KANSL1: variants seen among roughly 807,000 people sequenced by gnomAD.
The protein encoded by KANSL1 is MLL1/MLL complex subunit KANSL1.
KANSL1 carries 22 observed loss-of-function variants against 103.6 expected under a neutral mutation model. The ratio of observed to expected loss-of-function variants is 0.21; its 90% confidence interval spans 0.15 to 0.30. The LOEUF (loss-of-function observed/expected upper bound fraction) is 0.30. KANSL1 is among the 10% of genes least tolerant of loss of function. The pLI, the probability that KANSL1 is intolerant of heterozygous loss-of-function variation, is 1.00. For missense variants in KANSL1, 1,337 were observed against 1,399.8 expected, an observed-to-expected ratio of 0.96 and a Z score of 0.72; for synonymous variants, 600 against 527.6, an observed-to-expected ratio of 1.14 and a Z score of -1.88.
intron 1 of KANSL1, among the ~76,000 whole-genome samples, chr17:46,190,643 A>T (rs2047270072): frequency 6.6e-6 from 1 of 152,244 alleles, no homozygotes; most frequent in Admixed American, 6.5e-5. Flanking sequence ...CATCTTCACC[A>T]TAATATAGAC....
intron 2 of KANSL1, among the ~76,000 whole-genome samples, chr17:46,130,187 C>CA (rs35017603): frequency 0.15 from 11,378 of 74,642 alleles, 730 homozygotes; most frequent in East Asian, 0.28. Flanking sequence ...ATCCTGTCTC[C>CA]AAAAAAAAAA....
intron 1 of KANSL1, among the ~76,000 whole-genome samples, chr17:46,179,674 C>T (rs2046689359): frequency 6.6e-6 from 1 of 152,140 alleles, no homozygotes; most frequent in Non-Finnish European, 1.5e-5. Flanking sequence ...ATGCAAAAGG[C>T]TAGGACAAGA....
At chr17:46,037,349 C>T (rs145247597) in intron 10 of KANSL1, 3 of 152,296 alleles carry the variant, frequency 2.0e-5, no homozygotes, top group Non-Finnish European at 4.4e-5. Flanking sequence ...TAAAGAAAGT[C>T]GAAGAGCAAA....
intron 1 of KANSL1, among the ~76,000 whole-genome samples, chr17:46,211,007 GTTCTTACCTTGGA>G (rs1187082838): frequency 6.6e-6 from 1 of 152,086 alleles, no homozygotes; most frequent in Non-Finnish European, 1.5e-5. Flanking sequence ...TAAAAAGGTG[GTTCTTACCTTGGA>G]TTACCTCTAA....
chr17:46,120,612 T>C (rs1408398673), intron 2 of KANSL1, among the ~76,000 whole-genome samples: 1 of 152,192 alleles, frequency 6.6e-6, no homozygotes, highest in African/African-American at 2.4e-5. Flanking sequence ...TTAACATGAT[T>C]AATTTTTTAA....
At chr17:46,107,580 C>T (rs1445618969) in intron 2 of KANSL1, among the ~76,000 whole-genome samples, 1 of 152,228 alleles carries the variant, frequency 6.6e-6, no homozygotes, top group Non-Finnish European at 1.5e-5. Flanking sequence ...AATCTTCTTT[C>T]CTATACTTCC....
At chr17:46,160,837 T>TA (rs1171998062) in intron 2 of KANSL1, among the ~76,000 whole-genome samples, 5 of 152,220 alleles carry the variant, frequency 3.3e-5, no homozygotes, top group African/African-American at 1.2e-4. Context: ...CTGTTTACAC[T>TA]AAAAAAGCTA....
At chr17:46,031,799 G>A in intron 14 of KANSL1, 96 bp from the exon 15 acceptor site, 4 of 1,221,410 alleles carry the variant, frequency 3.3e-6, no homozygotes, top group Non-Finnish European at 4.6e-6. Context: ...TGGAGCCTAG[G>A]ACCAGTCTAT....
chr17:46,154,873 T>TG (rs2045330326), intron 2 of KANSL1, among the ~76,000 whole-genome samples: 2 of 152,168 alleles, frequency 1.3e-5, no homozygotes, highest in Admixed American at 1.3e-4. Flanking sequence ...TTAATGGAGA[T>TG]GGGGTCTTGC....
chr17:46,206,445 G>C (rs757503123), intron 1 of KANSL1, among the ~76,000 whole-genome samples: 57 of 152,344 alleles, frequency 3.7e-4, no homozygotes, highest in South Asian at 2.3e-3. Context: ...GTCTTTTTAA[G>C]CCAAGTGCTG....
chr17:46,129,186 AG>A (rs1308243083), intron 2 of KANSL1, among the ~76,000 whole-genome samples: 1 of 152,110 alleles, frequency 6.6e-6, no homozygotes, highest in African/African-American at 2.4e-5. Flanking sequence ...CCTTGAACAA[AG>A]GAACAGTGCA....
intron 11 of KANSL1, 187 bp from the exon 12 acceptor site, chr17:46,033,647 C>CA (rs2077072033): frequency 1.6e-6 from 1 of 625,510 alleles, no homozygotes; most frequent in Non-Finnish European, 2.9e-6. Context: ...GCCACCTACT[C>CA]AAATGCCCAA....
At chr17:46,153,338 GCTTT>G (rs1282301936) in intron 2 of KANSL1, among the ~76,000 whole-genome samples, 1 of 152,166 alleles carries the variant, frequency 6.6e-6, no homozygotes, top group Non-Finnish European at 1.5e-5. Flanking sequence ...GAAATCCTTA[GCTTT>G]CTATGTCGTT....
intron 1 of KANSL1, among the ~76,000 whole-genome samples, chr17:46,176,519 T>A (rs564200334): frequency 6.6e-6 from 1 of 152,242 alleles, no homozygotes; most frequent in South Asian, 2.1e-4. Flanking sequence ...GGTGAAACCC[T>A]GTCTCTACTA....
intron 4 of KANSL1, among the ~76,000 whole-genome samples, chr17:46,075,128 G>A (rs2078713100): frequency 6.6e-6 from 1 of 152,128 alleles, no homozygotes; most frequent in African/African-American, 2.4e-5. Flanking sequence ...AAAACTAAAA[G>A]CAATGATAGA....
intron 1 of KANSL1, among the ~76,000 whole-genome samples, chr17:46,215,350 T>C (rs1254843890): frequency 6.6e-6 from 1 of 152,208 alleles, no homozygotes; most frequent in African/African-American, 2.4e-5. Flanking sequence ...AGTGGAGAGA[T>C]GATCTGGCAA....
chr17:46,105,923 ACACACACACACACACACACACACACCC>A (rs1567680533), intron 2 of KANSL1, among the ~76,000 whole-genome samples: 25 of 102,916 alleles, frequency 2.4e-4, no homozygotes, highest in Non-Finnish European at 4.2e-4. Context: ...ACACACACAC[ACACACACACACACACACACACACACCC>A]CCCCAGAAGG....
intron 2 of KANSL1, among the ~76,000 whole-genome samples, chr17:46,101,739 G>C (rs1230144582): frequency 2.8e-5 from 3 of 108,094 alleles, no homozygotes; most frequent in Admixed American, 1.3e-4. Flanking sequence ...GGGGGACAGA[G>C]CAAGACTCTG....
chr17:46,163,622 TA>T (rs1338553337), intron 2 of KANSL1, among the ~76,000 whole-genome samples: 1 of 152,240 alleles, frequency 6.6e-6, no homozygotes, highest in East Asian at 1.9e-4. Context: ...CATGAGCTCT[TA>T]AGATTATTTT....
Sources: gnomAD v4.1 joint callset for allele counts (sites outside exome capture counted in the v4.1 genomes callset) on GRCh38, gnomAD v4.1.1 for gene constraint, MANE v1.5 for transcripts, NCBI Gene and HGNC (gene_info 2026-07-23, HGNC 2026-07-21) for gene names.